GOLGA5: variants seen among roughly 807,000 people sequenced by gnomAD.
The protein encoded by GOLGA5 is golgin subfamily A member 5.
Under a neutral mutation model 93.5 loss-of-function variants are expected in GOLGA5, and 50 were observed. The ratio of observed to expected loss-of-function variants is 0.53; its 90% confidence interval spans 0.43 to 0.68. The LOEUF is 0.68. GOLGA5 is among the 30% of genes least tolerant of loss of function. The pLI is 0.00. For missense variants in GOLGA5, 760 were observed against 856.4 expected, an observed-to-expected ratio of 0.89 and a Z score of 1.40; for synonymous variants, 312 against 304.5, an observed-to-expected ratio of 1.02 and a Z score of -0.26.
At chr14:92,810,226 T>G (rs1566954974) in intron 4 of GOLGA5, 28 bp from the exon 5 acceptor site, 1 of 1,564,862 alleles carries the variant, frequency 6.4e-7, no homozygotes, top group Non-Finnish European at 8.7e-7. Context: ...TAGACATGAG[T>G]TATTTCACAT....
chr14:92,830,728 T>A (rs1885514217), intron 9 of GOLGA5, among the ~76,000 whole-genome samples: 1 of 152,082 alleles, frequency 6.6e-6, no homozygotes, highest in African/African-American at 2.4e-5. Context: ...GCCCCCCAAG[T>A]GGCTGGGACT....
chr14:92,829,936 C>T (rs1885494284), intron 9 of GOLGA5, among the ~76,000 whole-genome samples: 3 of 152,172 alleles, frequency 2.0e-5, no homozygotes, highest in Non-Finnish European at 1.5e-5. Flanking sequence ...TCTGATCAGT[C>T]AGCAGCCATC....
intron 10 of GOLGA5, 126 bp downstream of exon 10, chr14:92,833,473 T>G: frequency 1.5e-6 from 1 of 671,900 alleles, no homozygotes; most frequent in South Asian, 1.8e-5. Flanking sequence ...ATATGAGACC[T>G]GGGCCACGTA....
At chr14:92,816,744 G>C (rs1302227749) in intron 7 of GOLGA5, among the ~76,000 whole-genome samples, 1 of 152,122 alleles carries the variant, frequency 6.6e-6, no homozygotes. Flanking sequence ...ATATTTTGTA[G>C]AGACAGGGTA....
intron 2 of GOLGA5, 91 bp downstream of exon 2, chr14:92,798,072 G>A: frequency 1.2e-6 from 1 of 866,356 alleles, no homozygotes; most frequent in Non-Finnish European, 1.8e-6. Context: ...TACTGTTATG[G>A]AATCTGTCTC....
intron 7 of GOLGA5, among the ~76,000 whole-genome samples, chr14:92,816,647 G>A (rs181447070): frequency 1.3e-5 from 2 of 151,946 alleles, no homozygotes; most frequent in Admixed American, 6.6e-5. Context: ...CTGCAGCCTC[G>A]AACTCCTGGG....
intron 3 of GOLGA5, among the ~76,000 whole-genome samples, chr14:92,808,542 A>G (rs1394320467): frequency 1.3e-5 from 2 of 151,914 alleles, no homozygotes. Flanking sequence ...GCTACTTTGG[A>G]GACTGAGGTG....
At chr14:92,811,473 G>A in intron 5 of GOLGA5, 78 bp from the exon 6 acceptor site, 1 of 1,001,596 alleles carries the variant, frequency 1.0e-6, no homozygotes, top group Non-Finnish European at 1.6e-6. Context: ...AATCCCATAA[G>A]ATATCCGAAT....
chr14:92,806,417 A>G (rs1013411145), intron 2 of GOLGA5, among the ~76,000 whole-genome samples: 2 of 152,128 alleles, frequency 1.3e-5, no homozygotes, highest in South Asian at 2.1e-4. Flanking sequence ...GGCTCAAGTG[A>G]TTCTCCTGCC....
chr14:92,803,369 G>A (rs112749620), intron 2 of GOLGA5, among the ~76,000 whole-genome samples: 3 of 152,264 alleles, frequency 2.0e-5, no homozygotes, highest in African/African-American at 4.8e-5. Context: ...ATCGGCCTGC[G>A]ATATTGTTAG....
chr14:92,796,766 C>T lies in GOLGA5; in HGVS notation c.-30-642C>T, dbSNP rs1401815152. On this transcript the variant is annotated intron_variant, in intron 1 of 12. Coordinates refer to ENST00000163416, the MANE Select transcript of GOLGA5 (RefSeq NM_005113.4). ...CGGGTGGATCATGAGGTCAGGAGATCGAGACCATCCCGGCTAACAAGGTGA... is the reference window on the plus strand; with the variant it reads ...CGGGTGGATCATGAGGTCAGGAGATTGAGACCATCCCGGCTAACAAGGTGA... Among the ~76,000 whole-genome samples, 5 of 126,214 alleles carry T rather than the reference C, an allele frequency of 4.0e-5. No individual in the cohort carries two copies. The Admixed American group carries it at 4.2e-4, about 11-fold the overall frequency. 82.8% of individuals were successfully genotyped at this position (126,214 alleles called of 152,430 possible).
Position 92,806,976 on chromosome 14 carries a change from A to T in GOLGA5, c.772+13A>T. ...GAGACTCAAGAAGGTAGAGGCTTAA[A>T]TTGTTCAGGATTAGGAATTTAACTT... On this transcript the variant is annotated intron_variant, in intron 3 of 12. Coordinates refer to ENST00000163416, the MANE Select transcript of GOLGA5 (RefSeq NM_005113.4). 6.8e-7 allele frequency: 1 copy of T among 1,468,316 alleles called. No homozygotes were observed. Among genetic ancestry groups the T allele is most frequent in the East Asian group, 2.3e-5 (1 of 44,176 alleles). The allele number at this position is 1,468,316 out of a possible 1,614,324, so 91.0% of individuals were successfully genotyped here.
intron 10 of GOLGA5, among the ~76,000 whole-genome samples, chr14:92,835,249 C>G (rs1307773731): frequency 1.3e-5 from 2 of 152,214 alleles, no homozygotes; most frequent in Admixed American, 6.5e-5. Flanking sequence ...CCCGGCCTCA[C>G]TCCTCCTCAC....
chr14:92,837,596 C>T (rs1460325682), intron 12 of GOLGA5, 147 bp downstream of exon 12: 5 of 585,352 alleles, frequency 8.5e-6, no homozygotes, highest in Non-Finnish European at 1.5e-5. Flanking sequence ...CAGGGTCTGG[C>T]TCTTTTGCTG....
At chr14:92,819,930 G>A (rs1885281639) in intron 8 of GOLGA5, 94 bp downstream of exon 8, 4 of 1,255,600 alleles carry the variant, frequency 3.2e-6, no homozygotes, top group Admixed American at 2.5e-5. Context: ...AATTTTTAGA[G>A]TATGGGCTTA....
intron 6 of GOLGA5, among the ~76,000 whole-genome samples, chr14:92,812,684 T>C (rs1265953180): frequency 6.6e-6 from 1 of 152,204 alleles, no homozygotes; most frequent in Non-Finnish European, 1.5e-5. Flanking sequence ...GGTAGAACAT[T>C]TGGCTCTGTT....
chr14:92,839,242 C>G (rs957551875), intron 12 of GOLGA5, 124 bp from the exon 13 acceptor site: 5 of 633,986 alleles, frequency 7.9e-6, no homozygotes, highest in South Asian at 3.9e-5. Flanking sequence ...TTCATTCATT[C>G]CTTCATGTGT....
At chr14:92,805,942 A>G (rs1235112520) in intron 2 of GOLGA5, among the ~76,000 whole-genome samples, 11 of 149,312 alleles carry the variant, frequency 7.4e-5, no homozygotes, top group African/African-American at 1.2e-4. Flanking sequence ...ATGTGTCTCT[A>G]TCTCTTTGGG....
chr14:92,828,868 C>T (rs1295792430), intron 9 of GOLGA5, among the ~76,000 whole-genome samples: 1 of 152,160 alleles, frequency 6.6e-6, no homozygotes, highest in Non-Finnish European at 1.5e-5. Flanking sequence ...GGGGTTTTGC[C>T]ATGTTGGGCA....
Sources: gnomAD v4.1 joint callset for allele counts (sites outside exome capture counted in the v4.1 genomes callset) on GRCh38, gnomAD v4.1.1 for gene constraint, MANE v1.5 for transcripts, NCBI Gene and HGNC (gene_info 2026-07-23, HGNC 2026-07-21) for gene names.